Variants in PITPNM2 observed in about 807,000 individuals in gnomAD.
PITPNM2 encodes the protein phosphatidylinositol transfer protein membrane associated 2, also known as membrane-associated phosphatidylinositol transfer protein 2.
In PITPNM2, 35 loss-of-function variants were observed where a neutral mutation model predicts 132.2. That is an observed-to-expected ratio of 0.26 (90% CI 0.20 to 0.35). The LOEUF (loss-of-function observed/expected upper bound fraction) is 0.35. Among genes scored for constraint, PITPNM2 ranks in the 10% least tolerant of loss-of-function variants. The pLI is 1.00. For synonymous variants in PITPNM2, 738 were observed against 799.2 expected (o/e 0.92, Z 1.29); for missense variants, 1,332 against 1,912.0 (o/e 0.70, Z 5.66).
rs752895884 is a variant in PITPNM2, at chr12:123,078,773, C to A, written c.-96+31612G>T. Reference sequence around the variant, plus strand: ...TGGCAGGTGGATGGGGACTCCCAGGCTCCCCACGCTGGGTGGCATCTCCCA... The same window carrying A: ...TGGCAGGTGGATGGGGACTCCCAGGATCCCCACGCTGGGTGGCATCTCCCA... On this transcript the variant is annotated intron_variant, in intron 2 of 25. Coordinates refer to ENST00000320201, the MANE Select transcript of PITPNM2 (RefSeq NM_020845.3). This position sits in a 1 kb window ranked among gnomAD's most constrained non-coding sequence, Gnocchi z 7.3. Among the ~76,000 whole-genome samples the A allele has an allele frequency of 2.0e-5, 3 of 152,172 alleles. No individual in the cohort carries two copies. Among genetic ancestry groups the A allele is most frequent in the African/African-American group, 7.2e-5 (3 of 41,440 alleles).
At chr12:123,075,128 G>A (rs2041744145) in intron 2 of PITPNM2, among the ~76,000 whole-genome samples, 1 of 152,232 alleles carries the variant, frequency 6.6e-6, no homozygotes, top group South Asian at 2.1e-4. Flanking sequence ...TGTGCATGTG[G>A]GGAGGCTGTG....
intron 3 of PITPNM2, among the ~76,000 whole-genome samples, chr12:123,018,034 TCCTC>T (rs1196290965): frequency 0.012 from 1,246 of 106,488 alleles, 40 homozygotes; most frequent in African/African-American, 0.047. Flanking sequence ...CTTCCTTCCT[TCCTC>T]CCTCCCTCCC....
chr12:123,002,308 C>T (rs1042550261), intron 8 of PITPNM2, among the ~76,000 whole-genome samples: 14 of 151,958 alleles, frequency 9.2e-5, no homozygotes, highest in African/African-American at 3.4e-4. Context: ...TGCAGTTCAG[C>T]CTGGGCAACA....
chr12:123,049,125 C>T (rs998213363), intron 2 of PITPNM2, among the ~76,000 whole-genome samples: 3 of 151,648 alleles, frequency 2.0e-5, no homozygotes. Context: ...CAGAGCAAGA[C>T]CCTGTCTCTA....
At chr12:123,050,854 G>C (rs1184575099) in intron 2 of PITPNM2, among the ~76,000 whole-genome samples, 1 of 152,172 alleles carries the variant, frequency 6.6e-6, no homozygotes, top group Admixed American at 6.5e-5. Flanking sequence ...CTTCTCCAGG[G>C]AGGGAAACAG....
chr12:122,996,671 C>T (rs2038443155), intron 12 of PITPNM2, 50 bp downstream of exon 12: 2 of 1,611,050 alleles, frequency 1.2e-6, no homozygotes, highest in East Asian at 4.5e-5. Flanking sequence ...GCCAGCCCGC[C>T]CTACAGGGTC....
intron 8 of PITPNM2, among the ~76,000 whole-genome samples, chr12:123,003,139 C>G (rs1311363264): frequency 1.3e-5 from 2 of 152,180 alleles, no homozygotes; most frequent in Non-Finnish European, 2.9e-5. Flanking sequence ...AGGCCTCTCC[C>G]TGTCCCTCCA....
chr12:123,087,165 T>C (rs2042134653), intron 2 of PITPNM2: 1 of 152,228 alleles, frequency 6.6e-6, no homozygotes. Context: ...TGGGAGACTC[T>C]GTGTACCCTG....
At chr12:123,050,053 C>A (rs1405569495) in intron 2 of PITPNM2, among the ~76,000 whole-genome samples, 1 of 152,240 alleles carries the variant, frequency 6.6e-6, no homozygotes, top group African/African-American at 2.4e-5. Context: ...TTGACAGCGT[C>A]TGTGACTCAG....
At chr12:123,035,815 A>G (rs1340837846) in intron 2 of PITPNM2, among the ~76,000 whole-genome samples, 1 of 152,202 alleles carries the variant, frequency 6.6e-6, no homozygotes, top group Admixed American at 6.5e-5. Flanking sequence ...TGCTGTTAAC[A>G]TGAAGCCAAG....
Position 123,068,250 on chromosome 12 carries a change from A to G in PITPNM2, c.-95-33565T>C, listed in dbSNP as rs373324193. Among the ~76,000 whole-genome samples the G allele has an allele frequency of 4.6e-4, 70 of 152,134 alleles. 1 individual carries two copies. In the East Asian group the frequency reaches 0.012, roughly 25 times the overall value. Reference sequence around the variant, plus strand: ...TGGGAGGCCAAGGTGGGCGGATCACAAAGTCAGGAGATCGAGAACATCCTG... The same window carrying G: ...TGGGAGGCCAAGGTGGGCGGATCACGAAGTCAGGAGATCGAGAACATCCTG... On this transcript the variant is annotated intron_variant, in intron 2 of 25. Coordinates refer to ENST00000320201, the MANE Select transcript of PITPNM2 (RefSeq NM_020845.3).
At chr12:123,011,848 G>A (rs553186951) in intron 5 of PITPNM2, among the ~76,000 whole-genome samples, 1 of 152,328 alleles carries the variant, frequency 6.6e-6, no homozygotes, top group African/African-American at 2.4e-5. Context: ...CCAGAGCCCC[G>A]AGAGAATAAC....
chr12:123,116,265 A>C (rs888501569), intron 1 of PITPNM2, among the ~76,000 whole-genome samples: 2 of 152,232 alleles, frequency 1.3e-5, no homozygotes, highest in Non-Finnish European at 2.9e-5. Flanking sequence ...CACAATAGCC[A>C]AAAGGTGGGC....
chr12:123,101,093 C>T (rs1566293540), intron 2 of PITPNM2, among the ~76,000 whole-genome samples: 1 of 152,256 alleles, frequency 6.6e-6, no homozygotes, highest in Non-Finnish European at 1.5e-5. Context: ...CTTTATTGAG[C>T]ACCTAATAAG....
intron 10 of PITPNM2, among the ~76,000 whole-genome samples, chr12:122,998,040 C>T (rs2038505207): frequency 6.6e-6 from 1 of 152,178 alleles, no homozygotes; most frequent in African/African-American, 2.4e-5. Context: ...AGGGCCACCA[C>T]CAGCTCAAAG....
chr12:122,992,386 C>A lies in PITPNM2; in HGVS notation c.2404+113G>T. On this transcript the variant is annotated intron_variant, in intron 16 of 25. Transcript: ENST00000320201. This position sits in a 1 kb window ranked among gnomAD's most constrained non-coding sequence, Gnocchi z 6.5. ...GTCCACCTCCAAGAGGCATTCAGCA[C>A]AAGCTGTCCCTCTCACCTGGGGAAG... is the stretch of plus-strand genomic sequence containing the variant. 8.6e-7 allele frequency: 1 copy of A among 1,161,504 alleles called. No individual in the cohort carries two copies. The allele number at this position is 1,161,504 out of a possible 1,614,324, so 71.9% of individuals were successfully genotyped here.
At chr12:123,045,856 T>C (rs2040635628) in intron 2 of PITPNM2, among the ~76,000 whole-genome samples, 1 of 152,100 alleles carries the variant, frequency 6.6e-6, no homozygotes, top group African/African-American at 2.4e-5. Context: ...ACCCTACTCA[T>C]GGTACCAAAG....
chr12:122,992,832 T>C lies in PITPNM2; in HGVS notation c.2234-163A>G, dbSNP rs1335156218. Among the ~76,000 whole-genome samples the C allele has an allele frequency of 6.6e-6, 1 of 151,938 alleles. No homozygotes were observed. The highest frequency in any genetic ancestry group is 1.5e-5 in the Non-Finnish European group (1 of 68,012). On this transcript the variant is annotated intron_variant, in intron 15 of 25. Coordinates refer to ENST00000320201, the MANE Select transcript of PITPNM2 (RefSeq NM_020845.3). The surrounding 1 kb of genome is among the most constrained non-coding windows in gnomAD (Gnocchi z 6.5). ...GGACCTGTTTGGGTCATTGTCACTT[T>C]TTTGTTTGTTTGAGACAGGGTCTTG...
At chr12:123,069,833 A>C (rs1334111566) in intron 2 of PITPNM2, among the ~76,000 whole-genome samples, 1 of 152,202 alleles carries the variant, frequency 6.6e-6, no homozygotes, top group Non-Finnish European at 1.5e-5. Context: ...ACTCTGTCCC[A>C]GAACAGTTGT....
Sources: gnomAD v4.1 joint callset for allele counts (sites outside exome capture counted in the v4.1 genomes callset) on GRCh38, gnomAD v4.1.1 for gene constraint, Gnocchi (gnomAD v3.1) non-coding constraint, MANE v1.5 for transcripts, NCBI Gene and HGNC (gene_info 2026-07-23, HGNC 2026-07-21) for gene names.